COL11A1: variants seen among roughly 807,000 people sequenced by gnomAD.
The protein encoded by COL11A1 is collagen type XI alpha 1 chain, also known as collagen alpha-1(XI) chain.
A neutral mutation model predicts 265.2 loss-of-function variants in COL11A1; 74 were observed. That is an observed-to-expected ratio of 0.28 (90% confidence interval 0.23 to 0.34). COL11A1 has a LOEUF of 0.34. Ranked by LOEUF, COL11A1 falls within the 10% of genes least tolerant of loss-of-function variation. The pLI is 1.00. For synonymous variants in COL11A1, 816 were observed against 727.6 expected (o/e 1.12, Z -1.96); for missense variants, 2,165 against 2,263.6 (o/e 0.96, Z 0.88).
intron 58 of COL11A1, 116 bp from the exon 59 acceptor site, chr1:102,889,678 A>G: frequency 2.6e-6 from 2 of 756,828 alleles, no homozygotes; most frequent in South Asian, 1.6e-5. Context: ...AATGCTGATA[A>G]AACAACATTA....
At chr1:103,014,051 T>C (rs1402925167) in intron 13 of COL11A1, among the ~76,000 whole-genome samples, 1 of 152,040 alleles carries the variant, frequency 6.6e-6, no homozygotes, top group Non-Finnish European at 1.5e-5. Flanking sequence ...TTTTTATATA[T>C]GATGCCCAAA....
chr1:102,923,193 TAATA>T, intron 47 of COL11A1, 139 bp downstream of exon 47: 1 of 666,424 alleles, frequency 1.5e-6, no homozygotes, highest in South Asian at 2.2e-5. Flanking sequence ...AGCTAAAGAC[TAATA>T]TATAACTAAA....
At chr1:102,972,152 CA>C (rs1348083019) in intron 36 of COL11A1, among the ~76,000 whole-genome samples, 1 of 152,068 alleles carries the variant, frequency 6.6e-6, no homozygotes, top group African/African-American at 2.4e-5. Context: ...AACTTGCTTT[CA>C]ATTCTGGGCA....
At chr1:103,014,933 T>C (rs1666438929) in intron 12 of COL11A1, among the ~76,000 whole-genome samples, 2 of 152,122 alleles carry the variant, frequency 1.3e-5, no homozygotes, top group African/African-American at 4.8e-5. Context: ...TGTATAAAAT[T>C]CCAAATATAC....
At chr1:103,086,464 T>C (rs1672869557) in intron 1 of COL11A1, among the ~76,000 whole-genome samples, 2 of 152,222 alleles carry the variant, frequency 1.3e-5, no homozygotes, top group Non-Finnish European at 2.9e-5. Flanking sequence ...TTGCCCAGGC[T>C]GGAGTGCAGT....
intron 4 of COL11A1, among the ~76,000 whole-genome samples, chr1:103,045,602 A>G (rs1218408711): frequency 1.3e-5 from 2 of 151,976 alleles, no homozygotes; most frequent in African/African-American, 4.8e-5. Flanking sequence ...TAAATAATAT[A>G]TCAATATTCT....
At chr1:103,049,985 G>T (rs12757965) in intron 4 of COL11A1, among the ~76,000 whole-genome samples, 5,881 of 152,264 alleles carry the variant, frequency 0.039, 130 homozygotes, top group Middle Eastern at 0.1. Context: ...AATCTGATGG[G>T]CTTCCCTTTG....
At chr1:103,077,157 A>G (rs1672037781) in intron 3 of COL11A1, among the ~76,000 whole-genome samples, 1 of 152,136 alleles carries the variant, frequency 6.6e-6, no homozygotes, top group South Asian at 2.1e-4. Flanking sequence ...CTACTGTGAT[A>G]TATGTAAATA....
intron 1 of COL11A1, among the ~76,000 whole-genome samples, chr1:103,091,701 T>C (rs971131663): frequency 2.6e-5 from 4 of 152,090 alleles, no homozygotes; most frequent in Non-Finnish European, 5.9e-5. Context: ...TTACTTAATA[T>C]ATTTCTCCAC....
At chr1:103,061,090 A>G (rs1670640190) in intron 4 of COL11A1, among the ~76,000 whole-genome samples, 2 of 152,190 alleles carry the variant, frequency 1.3e-5, no homozygotes, top group Non-Finnish European at 2.9e-5. Flanking sequence ...ACTAATAAAA[A>G]GAAAACAGGA....
intron 54 of COL11A1, among the ~76,000 whole-genome samples, chr1:102,901,834 A>G (rs1490091084): frequency 2.0e-5 from 3 of 152,062 alleles, no homozygotes; most frequent in Non-Finnish European, 2.9e-5. Context: ...TCATTTTTCC[A>G]CTCATGTCAC....
intron 54 of COL11A1, among the ~76,000 whole-genome samples, chr1:102,902,954 T>C (rs937569044): frequency 5.9e-5 from 9 of 151,906 alleles, no homozygotes; most frequent in African/African-American, 1.7e-4. Context: ...TATAACCAGT[T>C]AATAACAACA....
chr1:102,995,422 A>C (rs1557918994), intron 28 of COL11A1, among the ~76,000 whole-genome samples: 1 of 152,070 alleles, frequency 6.6e-6, no homozygotes, highest in Non-Finnish European at 1.5e-5. Flanking sequence ...CTCTTTCCCC[A>C]ATTAATTTAG....
chr1:102,944,635 T>G (rs1659064470), intron 42 of COL11A1, among the ~76,000 whole-genome samples: 1 of 152,188 alleles, frequency 6.6e-6, no homozygotes, highest in African/African-American at 2.4e-5. Context: ...AATTAATTTC[T>G]TATCGGTTTC....
chr1:102,890,517 A>C lies in COL11A1; in HGVS notation c.4303-13T>G, dbSNP rs761630732. 1.7e-6 allele frequency: 2 copies of C among 1,174,794 alleles called. No individual in the cohort carries two copies. The highest frequency in any genetic ancestry group is 1.5e-5 in the South Asian group (1 of 65,140). 72.8% of individuals were successfully genotyped at this position (1,174,794 alleles called of 1,614,324 possible). Reference sequence around the variant, plus strand: ...AGCCAGGAGGTCCCTAAATAATAACAAAAAAAAAACCCCAAAACAAAAACA... The same window carrying C: ...AGCCAGGAGGTCCCTAAATAATAACCAAAAAAAAACCCCAAAACAAAAACA... On this transcript the variant is annotated splice_polypyrimidine_tract_variant and intron_variant, in intron 57 of 66. Transcript: ENST00000370096.
chr1:103,017,239 T>C (rs1292444447), intron 11 of COL11A1, among the ~76,000 whole-genome samples: 1 of 151,394 alleles, frequency 6.6e-6, no homozygotes, highest in African/African-American at 2.5e-5. Flanking sequence ...TAAATTTAAA[T>C]TAAAAAGTTT....
intron 4 of COL11A1, among the ~76,000 whole-genome samples, chr1:103,060,798 C>CAA (rs201877415): frequency 6.6e-6 from 1 of 151,612 alleles, no homozygotes; most frequent in Admixed American, 6.6e-5. Context: ...CCTATCTCTA[C>CAA]AAAAAAATAG....
chr1:103,036,423 T>C (rs974280001), intron 4 of COL11A1, among the ~76,000 whole-genome samples: 2 of 147,996 alleles, frequency 1.4e-5, no homozygotes, highest in East Asian at 3.9e-4. Flanking sequence ...TGTATGTTTA[T>C]AGTACTTTTA....
chr1:102,954,336 C>A, intron 41 of COL11A1, among the ~76,000 whole-genome samples: 1 of 151,360 alleles, frequency 6.6e-6, no homozygotes, highest in East Asian at 1.9e-4. Flanking sequence ...GATGAGAACA[C>A]CAAAATAAAT....
Sources: gnomAD v4.1 joint callset for allele counts (sites outside exome capture counted in the v4.1 genomes callset) on GRCh38, gnomAD v4.1.1 for gene constraint, MANE v1.5 for transcripts, NCBI Gene and HGNC (gene_info 2026-07-23, HGNC 2026-07-21) for gene names.